Variants in BCAS3 observed in about 807,000 individuals in gnomAD.
The protein encoded by BCAS3 is BCAS3 microtubule associated cell migration factor, also known as BCAS4/BCAS3 fusion.
In BCAS3, 53 loss-of-function variants were observed where a neutral mutation model predicts 116.1. The observed-to-expected ratio is 0.46, with a 90% CI of 0.37 to 0.57. The LOEUF (loss-of-function observed/expected upper bound fraction) is 0.57. Among genes scored for constraint, BCAS3 ranks in the 20% least tolerant of loss-of-function variants. The pLI, the probability that BCAS3 is intolerant of heterozygous loss-of-function variation, is 0.00. For synonymous variants in BCAS3, 391 were observed against 408.2 expected, an observed-to-expected ratio of 0.96 and a Z score of 0.51; for missense variants, 917 against 1,165.4, an observed-to-expected ratio of 0.79 and a Z score of 3.10.
At chr17:60,898,689 G>C (rs1463190499) in intron 10 of BCAS3, among the ~76,000 whole-genome samples, 1 of 152,174 alleles carries the variant, frequency 6.6e-6, no homozygotes, top group African/African-American at 2.4e-5. Flanking sequence ...CTTCCAGGTA[G>C]CTTGCTTGGA....
intron 10 of BCAS3, among the ~76,000 whole-genome samples, chr17:60,897,787 C>T (rs549158993): frequency 1.3e-5 from 2 of 152,306 alleles, no homozygotes; most frequent in South Asian, 4.1e-4. Flanking sequence ...GCAATCACAG[C>T]TCACTGCAGC....
intron 22 of BCAS3, among the ~76,000 whole-genome samples, chr17:61,218,427 T>A (rs2081929034): frequency 1.3e-5 from 2 of 152,228 alleles, no homozygotes; most frequent in South Asian, 4.1e-4. Flanking sequence ...TACATGCTGT[T>A]GGCATCAGTT....
In BCAS3 at chr17:61,171,634, A is replaced by T. The variant is rs560057718; in HGVS notation, c.2425+87070A>T. 4.0e-5 allele frequency among the ~76,000 whole-genome samples: 6 copies of T among 149,744 alleles called. No individual in the cohort carries two copies. The highest frequency in any genetic ancestry group is 2.0e-4 in the East Asian group (1 of 5,126). On this transcript the variant is annotated intron_variant, in intron 22 of 23. Coordinates refer to ENST00000407086, the MANE Select transcript of BCAS3 (RefSeq NM_017679.5). This position sits in a 1 kb window ranked among gnomAD's most constrained non-coding sequence, Gnocchi z 4.1. ...ATTATGCTAATACTAATTTTATTTT[A>T]TTTTTTTTTTGAAACAGCGTCTGTT...
Position 61,143,367 on chromosome 17 carries a change from G to A in BCAS3, c.2425+58803G>A, listed in dbSNP as rs189982934. 5.9e-5 allele frequency among the ~76,000 whole-genome samples: 9 copies of A among 152,112 alleles called. No individual in the cohort carries two copies. The East Asian group carries it at 9.6e-4, about 16-fold the overall frequency. ...TATACTTTCATATTAAGGCAGGGCC[G>A]GGTCCCTGGGGAAAAAAATAATGAA... On this transcript the variant is annotated intron_variant, in intron 22 of 23. Coordinates refer to ENST00000407086, the MANE Select transcript of BCAS3 (RefSeq NM_017679.5).
chr17:60,867,102 T>G (rs185380699), intron 7 of BCAS3, among the ~76,000 whole-genome samples: 2 of 149,078 alleles, frequency 1.3e-5, no homozygotes, highest in African/African-American at 2.6e-5. Context: ...TTAGGTAGGT[T>G]TTTTTGTTTT....
At chr17:61,137,630 G>A (rs538914152) in intron 22 of BCAS3, among the ~76,000 whole-genome samples, 26 of 152,296 alleles carry the variant, frequency 1.7e-4, no homozygotes, top group African/African-American at 5.3e-4. Flanking sequence ...TTAGCTGGGC[G>A]TGGTGGCACA....
chr17:61,134,581 G>A lies in BCAS3; in HGVS notation c.2425+50017G>A, dbSNP rs748687614. The stretch of plus-strand genomic sequence containing the variant: ...AATTATAGGAAAGTATTTTAAAGTC[G>A]AGAGAACTGTGTTATGGTGGGACAT... On this transcript the variant is annotated intron_variant, in intron 22 of 23. Coordinates refer to ENST00000407086, the MANE Select transcript of BCAS3 (RefSeq NM_017679.5). The surrounding 1 kb of genome is among the most constrained non-coding windows in gnomAD (Gnocchi z 4.6). Among the ~76,000 whole-genome samples the A allele has an allele frequency of 5.9e-5, 9 of 152,286 alleles. No individual in the cohort carries two copies. Among genetic ancestry groups the A allele is most frequent in the African/African-American group, 9.6e-5 (4 of 41,562 alleles).
At chr17:60,777,559 G>A (rs1382300459) in intron 6 of BCAS3, among the ~76,000 whole-genome samples, 3 of 152,096 alleles carry the variant, frequency 2.0e-5, no homozygotes, top group African/African-American at 7.3e-5. Context: ...CCAGGAAGTG[G>A]AGTTTGTAGT....
intron 19 of BCAS3, among the ~76,000 whole-genome samples, chr17:61,060,408 T>C (rs1456995478): frequency 1.3e-5 from 2 of 152,178 alleles, no homozygotes; most frequent in Admixed American, 1.3e-4. Context: ...GTGCTGGGAT[T>C]ACAGGCGCGA....
rs2143042997 is a variant in BCAS3 at position 61,325,882 on chromosome 17, C to G, written c.2426-42445C>G. Among the ~76,000 whole-genome samples, 1 of 152,306 alleles carries G rather than the reference C, an allele frequency of 6.6e-6. No individual in the cohort carries two copies. Among genetic ancestry groups the G allele is most frequent in the Admixed American group, 6.5e-5 (1 of 15,302 alleles). On this transcript the variant is annotated intron_variant, in intron 22 of 23. Transcript: ENST00000407086. The surrounding 1 kb of genome is among the most constrained non-coding windows in gnomAD (Gnocchi z 6.4). Reference sequence around the variant, plus strand: ...CCAGTCATGCTGAATGTTTCTCTCACTAGAGACTCACTGTATCTGTATCCA... The same window carrying G: ...CCAGTCATGCTGAATGTTTCTCTCAGTAGAGACTCACTGTATCTGTATCCA...
At position 61,355,450 on chromosome 17, in the gene BCAS3, C is replaced by G. The variant is rs549784757; in HGVS notation, c.2426-12877C>G. On this transcript the variant is annotated intron_variant, in intron 22 of 23. Transcript: ENST00000407086. This position sits in a 1 kb window ranked among gnomAD's most constrained non-coding sequence, Gnocchi z 4.2. ...GAATGGAAAGACTGAGCTGAAAACC[C>G]CCTCGCTGGCACTCCAGCCATATTT... is the stretch of plus-strand genomic sequence containing the variant. Among the ~76,000 whole-genome samples the G allele has an allele frequency of 2.8e-3, 421 of 151,424 alleles. 1 individual carries two copies. The highest frequency in any genetic ancestry group is 4.7e-3 in the Non-Finnish European group (317 of 67,914).
intron 5 of BCAS3, among the ~76,000 whole-genome samples, chr17:60,738,913 T>C (rs911234326): frequency 6.6e-6 from 1 of 151,740 alleles, no homozygotes; most frequent in Non-Finnish European, 1.5e-5. Context: ...GCAAATTTTA[T>C]TTTTTTTAAT....
chr17:60,965,070 A>G (rs1472577832), intron 14 of BCAS3, among the ~76,000 whole-genome samples: 1 of 151,420 alleles, frequency 6.6e-6, no homozygotes, highest in Admixed American at 6.6e-5. Context: ...TGTCTTTACT[A>G]TTTTTGACTT....
intron 5 of BCAS3, 84 bp from the exon 6 acceptor site, chr17:60,747,113 TA>T (rs2042071109): frequency 8.9e-6 from 8 of 899,376 alleles, no homozygotes; most frequent in Non-Finnish European, 1.4e-5. Flanking sequence ...AATATTGTTA[TA>T]AAATTTAGAA....
chr17:61,283,240 G>A (rs1398655550), intron 22 of BCAS3, among the ~76,000 whole-genome samples: 2 of 152,090 alleles, frequency 1.3e-5, no homozygotes, highest in African/African-American at 4.8e-5. Context: ...AATTCAACTA[G>A]TCTTGGTTTG....
intron 16 of BCAS3, chr17:61,027,188 T>C (rs1241546036): frequency 6.6e-6 from 3 of 452,672 alleles, no homozygotes; most frequent in African/African-American, 3.9e-5. Context: ...CTCGTAAATA[T>C]TACAAGACAA....
At chr17:60,691,090 G>A (rs770108689) in intron 4 of BCAS3, among the ~76,000 whole-genome samples, 2 of 151,782 alleles carry the variant, frequency 1.3e-5, no homozygotes, top group Non-Finnish European at 2.9e-5. Flanking sequence ...TCGCCATCAC[G>A]CCCAGCTAAT....
rs531315055 is a variant in BCAS3 at position 60,764,546 on chromosome 17, C to T, written c.403+17267C>T. 2.6e-5 allele frequency among the ~76,000 whole-genome samples: 4 copies of T among 152,262 alleles called. 1 individual carries two copies. The South Asian group carries it at 8.3e-4, about 32-fold the overall frequency. On this transcript the variant is annotated intron_variant, in intron 6 of 23. Coordinates refer to ENST00000407086, the MANE Select transcript of BCAS3 (RefSeq NM_017679.5). ...AATCCTGAGTTCTAATTGGATTGTACTGTGGTCTGAGAGACAGTTTGTTGT... is the reference window on the plus strand; with the variant it reads ...AATCCTGAGTTCTAATTGGATTGTATTGTGGTCTGAGAGACAGTTTGTTGT...
chr17:61,333,626 T>C lies in BCAS3; in HGVS notation c.2426-34701T>C, dbSNP rs1265173093. On this transcript the variant is annotated intron_variant, in intron 22 of 23. Coordinates refer to ENST00000407086, the MANE Select transcript of BCAS3 (RefSeq NM_017679.5). This position sits in a 1 kb window ranked among gnomAD's most constrained non-coding sequence, Gnocchi z 4.8. ...GTTCTTGAAACTTTCTTTTTTTTTC[T>C]TTTTTTTTTTTTGAGACAGAGTCTC... Among the ~76,000 whole-genome samples, 3 of 99,106 alleles carry C rather than the reference T, an allele frequency of 3.0e-5. No individual in the cohort carries two copies. The highest frequency in any genetic ancestry group is 2.5e-4 in the African/African-American group (3 of 12,164). 65.0% of individuals were successfully genotyped at this position (99,106 alleles called of 152,430 possible).
Sources: gnomAD v4.1 joint callset for allele counts (sites outside exome capture counted in the v4.1 genomes callset) on GRCh38, gnomAD v4.1.1 for gene constraint, Gnocchi (gnomAD v3.1) non-coding constraint, MANE v1.5 for transcripts, NCBI Gene and HGNC (gene_info 2026-07-23, HGNC 2026-07-21) for gene names.